SLC2A13: variants seen among roughly 807,000 people sequenced by gnomAD.
SLC2A13 encodes the protein proton myo-inositol cotransporter.
SLC2A13 carries 32 observed loss-of-function variants against 64.4 expected under a neutral mutation model. The ratio of observed to expected loss-of-function variants is 0.50; its 90% CI spans 0.37 to 0.67. The LOEUF is 0.67. Ranked by LOEUF, SLC2A13 falls within the 30% of genes least tolerant of loss-of-function variation. The pLI is 0.00. For missense variants in SLC2A13, 743 were observed against 829.2 expected (o/e 0.90, Z 1.28); for synonymous variants, 338 against 327.1 (o/e 1.03, Z -0.36).
chr12:39,884,839 A>G (rs1422408835), intron 4 of SLC2A13, among the ~76,000 whole-genome samples: 2 of 152,236 alleles, frequency 1.3e-5, no homozygotes, highest in Non-Finnish European at 2.9e-5. Flanking sequence ...CAAAGGGGCA[A>G]GGAATTCAAG....
At chr12:39,896,420 A>ATATATGTATACATATATGTATATG (rs1944890874) in intron 4 of SLC2A13, among the ~76,000 whole-genome samples, 11 of 120,388 alleles carry the variant, frequency 9.1e-5, no homozygotes, top group African/African-American at 4.1e-4. Context: ...ATGTATGTAT[A>ATATATGTATACATATATGTATATG]TGTGTATATA....
At chr12:40,094,438 G>A (rs945475742) in intron 1 of SLC2A13, among the ~76,000 whole-genome samples, 3 of 152,128 alleles carry the variant, frequency 2.0e-5, no homozygotes, top group African/African-American at 4.8e-5. Context: ...GGAGATGGGG[G>A]AAAGAGCAGC....
At chr12:40,013,408 T>G (rs1364248206) in intron 3 of SLC2A13, among the ~76,000 whole-genome samples, 2 of 152,190 alleles carry the variant, frequency 1.3e-5, no homozygotes, top group South Asian at 2.1e-4. Flanking sequence ...ATCTTTAAAA[T>G]ATAATTATCT....
chr12:39,795,054 T>C (rs183850648), intron 7 of SLC2A13, among the ~76,000 whole-genome samples: 22 of 152,298 alleles, frequency 1.4e-4, no homozygotes, highest in African/African-American at 5.3e-4. Flanking sequence ...CTTAAAGCCA[T>C]GGGTTCAAAA....
chr12:39,960,750 T>TTTC (rs1301951646), intron 3 of SLC2A13, among the ~76,000 whole-genome samples: 2 of 148,262 alleles, frequency 1.3e-5, no homozygotes, highest in Non-Finnish European at 3.0e-5. Flanking sequence ...CATTCTTTTT[T>TTTC]TTTTTTTTTT....
intron 4 of SLC2A13, among the ~76,000 whole-genome samples, chr12:39,892,272 G>T (rs1437480183): frequency 6.6e-6 from 1 of 152,174 alleles, no homozygotes; most frequent in Admixed American, 6.5e-5. Flanking sequence ...AAGCTGGCAA[G>T]GCCACCTTTC....
chr12:39,892,497 A>G (rs751142238), intron 4 of SLC2A13, among the ~76,000 whole-genome samples: 38 of 152,216 alleles, frequency 2.5e-4, no homozygotes, highest in Non-Finnish European at 4.3e-4. Context: ...CTGACGCTTA[A>G]CCGAACTTTA....
intron 6 of SLC2A13, among the ~76,000 whole-genome samples, chr12:39,850,197 C>T (rs1277206197): frequency 6.6e-6 from 1 of 151,892 alleles, no homozygotes; most frequent in African/African-American, 2.4e-5. Context: ...GCTACTGGAA[C>T]CGAAAAGGAG....
At chr12:39,810,701 C>A (rs78391516) in intron 7 of SLC2A13, among the ~76,000 whole-genome samples, 1,810 of 152,182 alleles carry the variant, frequency 0.012, 37 homozygotes, top group African/African-American at 0.041. Flanking sequence ...GGAATTTAAT[C>A]AATTTATTTT....
chr12:40,102,562 C>T (rs987309118), intron 1 of SLC2A13, among the ~76,000 whole-genome samples: 3 of 151,940 alleles, frequency 2.0e-5, no homozygotes, highest in Admixed American at 6.6e-5. Flanking sequence ...CACAGGTAAA[C>T]GTGTGGAGGA....
Position 39,871,891 on chromosome 12 carries a change from C to T in SLC2A13, c.1105G>A (p.Val369Ile). ...AAAATGAAATTTGTGAAGGCTGTAACTGAAGCCAGCCATATTGCAAGTCTA... is the reference window on the plus strand; with the variant it reads ...AAAATGAAATTTGTGAAGGCTGTAATTGAAGCCAGCCATATTGCAAGTCTA... ...DDRLAIWLASVTAFTNFIFTL... is the reference protein window; with the variant it reads ...DDRLAIWLASITAFTNFIFTL... Residue 369 changes from valine (V) to isoleucine (I), a missense_variant, in exon 5 of 10, where the codon GTT (valine) becomes ATT (isoleucine). Physicochemically the swap from Val to Ile is conservative, Grantham distance 29. Coordinates refer to ENST00000280871, the MANE Select transcript of SLC2A13 (RefSeq NM_052885.4). 2.5e-6 allele frequency: 4 copies of T among 1,612,016 alleles called. No homozygotes were observed. Among genetic ancestry groups the T allele is most frequent in the Non-Finnish European group, 3.4e-6 (4 of 1,179,132 alleles).
intron 1 of SLC2A13, among the ~76,000 whole-genome samples, chr12:40,076,533 TTTTC>T (rs1938182238): frequency 6.6e-6 from 1 of 152,186 alleles, no homozygotes; most frequent in Non-Finnish European, 1.5e-5. Context: ...TATATGTACA[TTTTC>T]TTTATCCAGT....
At chr12:39,906,284 A>G (rs1945278607) in intron 4 of SLC2A13, among the ~76,000 whole-genome samples, 1 of 152,168 alleles carries the variant, frequency 6.6e-6, no homozygotes, top group South Asian at 2.1e-4. Context: ...AATTATTACC[A>G]AATCACTGTG....
chr12:40,069,636 G>A (rs557888135), intron 1 of SLC2A13, among the ~76,000 whole-genome samples: 2 of 151,350 alleles, frequency 1.3e-5, no homozygotes, highest in East Asian at 1.9e-4. Flanking sequence ...TAGGACCATG[G>A]TTGAAAAAAA....
chr12:40,033,699 T>C (rs1947937284), intron 2 of SLC2A13, among the ~76,000 whole-genome samples: 1 of 152,232 alleles, frequency 6.6e-6, no homozygotes, highest in Non-Finnish European at 1.5e-5. Context: ...TTATTTAATG[T>C]TTCTTTAACA....
chr12:39,981,779 C>T (rs1443462055), intron 3 of SLC2A13, among the ~76,000 whole-genome samples: 3 of 138,958 alleles, frequency 2.2e-5, no homozygotes, highest in Admixed American at 7.3e-5. Context: ...CCTTCTGAAA[C>T]TATTCCAATC....
At chr12:39,927,011 A>G (rs1945742468) in intron 4 of SLC2A13, among the ~76,000 whole-genome samples, 2 of 152,342 alleles carry the variant, frequency 1.3e-5, no homozygotes, top group South Asian at 4.1e-4. Context: ...CAATTGATAA[A>G]GCAATCCATC....
intron 3 of SLC2A13, 37 bp from the exon 4 acceptor site, chr12:39,951,402 T>C (rs1946227728): frequency 1.3e-6 from 2 of 1,507,008 alleles, no homozygotes; most frequent in Non-Finnish European, 1.8e-6. Context: ...AATACAACTA[T>C]TATTTTTAGC....
At chr12:39,978,679 C>G (rs11174565) in intron 3 of SLC2A13, among the ~76,000 whole-genome samples, 2 of 152,084 alleles carry the variant, frequency 1.3e-5, no homozygotes, top group Admixed American at 6.6e-5. Context: ...CCTACGCCCA[C>G]GGAATCTCGC....
Sources: allele counts gnomAD v4.1 joint callset (sites outside exome capture counted in the v4.1 genomes callset), GRCh38; gene constraint gnomAD v4.1.1; transcripts MANE v1.5; gene names NCBI Gene and HGNC (gene_info 2026-07-23, HGNC 2026-07-21).